RGR: variants seen among roughly 807,000 people sequenced by gnomAD.
The protein encoded by RGR is retinal G protein coupled receptor, also known as RPE-retinal G protein-coupled receptor.
RGR carries 30 observed loss-of-function variants against 28.6 expected under a neutral mutation model. That is an observed-to-expected ratio of 1.05 (90% confidence interval 0.78 to 1.42). The LOEUF (loss-of-function observed/expected upper bound fraction) is 1.42, where lower values mean the gene tolerates loss of function less well. Ranked by LOEUF, RGR falls within the 40% of genes most tolerant of loss-of-function variation. RGR has a pLI of 0.00. For missense variants in RGR, 404 were observed against 375.6 expected, an observed-to-expected ratio of 1.08 and a Z score of -0.62; for synonymous variants, 180 against 156.4, an observed-to-expected ratio of 1.15 and a Z score of -1.13.
chr10:84,251,629 C>T (rs889828768), intron 3 of RGR, among the ~76,000 whole-genome samples: 9 of 152,230 alleles, frequency 5.9e-5, no homozygotes, highest in African/African-American at 1.9e-4. Flanking sequence ...ACTGCAACCT[C>T]CGCCTTCTGG....
intron 5 of RGR, among the ~76,000 whole-genome samples, chr10:84,257,088 T>C (rs1564551962): frequency 6.6e-6 from 1 of 152,204 alleles, no homozygotes. Context: ...TCTTCCAGCT[T>C]AATCACCCTC....
chr10:84,246,595 A>T (rs1419484919), intron 1 of RGR, among the ~76,000 whole-genome samples: 1 of 152,224 alleles, frequency 6.6e-6, no homozygotes, highest in Non-Finnish European at 1.5e-5. Flanking sequence ...TCCATGATGT[A>T]TATATACTAC....
At position 84,253,946 on chromosome 10, in the gene RGR, A is replaced by G. The variant is rs529108482; in HGVS notation, c.513-380A>G. Among the ~76,000 whole-genome samples the G allele has an allele frequency of 2.6e-5, 4 of 152,302 alleles. No homozygotes were observed. The East Asian group carries it at 5.8e-4, about 22-fold the overall frequency. On this transcript the variant is annotated intron_variant, in intron 4 of 6. Coordinates refer to ENST00000652092, the MANE Select transcript of RGR (RefSeq NM_001012720.2). ...TCAACCATTTCTTCAGTGACACAGT[A>G]TCCAGTCTTCTTGTTATCCCGTCTC...
intron 4 of RGR, among the ~76,000 whole-genome samples, chr10:84,253,438 C>G (rs1005903474): frequency 6.6e-6 from 1 of 152,140 alleles, no homozygotes; most frequent in Non-Finnish European, 1.5e-5. Context: ...GAGGGAATGC[C>G]CTGAGCATAC....
At position 84,252,877 on chromosome 10, in the gene RGR, T is replaced by C. The variant is rs145786088; in HGVS notation, c.379T>C (p.Ser127Pro). Residue 127 changes from serine (S) to proline (P), a missense_variant, in exon 4 of 7, where the codon TCA becomes CCA. Physicochemically the swap from Ser to Pro is moderately conservative, Grantham distance 74 (BLOSUM62 -1). Transcript: ENST00000652092. ...TGCAGGTAGCCAGCTGGCCTGGAAC[T>C]CAGCCGTCTCTCTGGTGCTCTTCGT... Reference protein sequence around the residue: ...YCTRSQLAWNSAVSLVLFVWL... With the variant: ...YCTRSQLAWNPAVSLVLFVWL... The C allele has an allele frequency of 6.2e-7, 1 of 1,614,048 alleles. No individual in the cohort carries two copies. The highest frequency in any genetic ancestry group is 1.3e-5 in the African/African-American group (1 of 74,922).
At chr10:84,247,550 G>T in intron 1 of RGR, 41 bp from the exon 2 acceptor site, 1 of 1,613,042 alleles carries the variant, frequency 6.2e-7, no homozygotes. Context: ...CCCCAGCTGG[G>T]CCTCAGCAGC....
In RGR at chr10:84,254,319, C is replaced by G. The variant is rs1327542906; in HGVS notation, c.513-7C>G. On this transcript the variant is annotated splice_polypyrimidine_tract_variant and splice_region_variant and intron_variant, in intron 4 of 6. Transcript: ENST00000652092. ...TAACCCCAATCCTCCACCCGCTCTCCCTGTAGAAACTTCACCAGCTTCCTC... is the reference window on the plus strand; with the variant it reads ...TAACCCCAATCCTCCACCCGCTCTCGCTGTAGAAACTTCACCAGCTTCCTC... 1 of 1,613,502 alleles carries G rather than the reference C, an allele frequency of 6.2e-7. No homozygotes were observed. The highest frequency in any genetic ancestry group is 8.5e-7 in the Non-Finnish European group (1 of 1,179,486).
intron 3 of RGR, among the ~76,000 whole-genome samples, chr10:84,250,194 C>G (rs1056576403): frequency 6.6e-6 from 1 of 152,150 alleles, no homozygotes; most frequent in East Asian, 1.9e-4. Context: ...GACCTGGTAC[C>G]TCCAAGTCCT....
intron 3 of RGR, chr10:84,250,547 C>G (rs1337928926): frequency 1.5e-6 from 1 of 685,126 alleles, no homozygotes; most frequent in Non-Finnish European, 2.7e-6. Context: ...CACACACACA[C>G]ACACACACCA....
chr10:84,252,942 G>C lies in RGR; in HGVS notation c.444G>C (p.Leu148=), dbSNP rs1193172183. 1.9e-6 allele frequency: 3 copies of C among 1,614,002 alleles called. No individual in the cohort carries two copies. Among genetic ancestry groups the C allele is most frequent in the Non-Finnish European group, 8.5e-7 (1 of 1,180,046 alleles). ...CCTTCTGGGCAGCTCTGCCCCTTCT[G>C]GGTTGGGGTCACTACGACTATGAGC... ...SSAFWAALPL[L]GWGHYDYEPL... is the part of the protein sequence containing the mutation. Residue 148 remains leucine (L), a synonymous_variant, in exon 4 of 7, where the codon CTG becomes CTC. Coordinates refer to ENST00000652092, the MANE Select transcript of RGR (RefSeq NM_001012720.2).
At chr10:84,258,375 CAG>C (rs1842913761) in intron 6 of RGR, 131 bp from the exon 7 acceptor site, 1 of 1,448,704 alleles carries the variant, frequency 6.9e-7, no homozygotes, top group Admixed American at 1.8e-5. Context: ...ACCAACTAGT[CAG>C]GGAAGCCTCC....
At chr10:84,248,829 CA>C in intron 2 of RGR, 92 bp from the exon 3 acceptor site, 2 of 1,609,426 alleles carry the variant, frequency 1.2e-6, no homozygotes, top group Non-Finnish European at 1.7e-6. Context: ...AGAAGGGCAG[CA>C]TTCAGGAACA....
intron 5 of RGR, among the ~76,000 whole-genome samples, chr10:84,255,634 C>T (rs1037688147): frequency 3.3e-5 from 5 of 150,300 alleles, no homozygotes; most frequent in South Asian, 2.1e-4. Context: ...GCAAAGGAGT[C>T]GTAACAAGCA....
chr10:84,249,368 A>G (rs994888593), intron 3 of RGR, among the ~76,000 whole-genome samples: 2 of 151,178 alleles, frequency 1.3e-5, no homozygotes, highest in East Asian at 3.9e-4. Flanking sequence ...GCTGGAGTGC[A>G]GTGGTGTGAC....
rs1393468929 is a variant in RGR at position 84,259,702 on chromosome 10, T to C, written c.*1063T>C. 6.6e-6 allele frequency: 1 copy of C among 152,166 alleles called. No homozygotes were observed. The highest frequency in any genetic ancestry group is 1.5e-5 in the Non-Finnish European group (1 of 68,034). 9.4% of individuals were successfully genotyped at this position (152,166 alleles called of 1,614,324 possible). ...CGTGTATGTATTCTTTTTGAAAAAA[T>C]GTTTATTCATGTCTTTTGCCCACTT... On this transcript the variant is annotated 3_prime_UTR_variant, in exon 7 of 7. Coordinates refer to ENST00000652092, the MANE Select transcript of RGR (RefSeq NM_001012720.2).
At chr10:84,250,583 C>G in intron 3 of RGR, 3 of 663,744 alleles carry the variant, frequency 4.5e-6, no homozygotes, top group Non-Finnish European at 8.4e-6. Context: ...ACAGGCTTCT[C>G]TGCCTCAATA....
chr10:84,247,339 G>A (rs578206773), intron 1 of RGR, among the ~76,000 whole-genome samples: 277 of 152,282 alleles, frequency 1.8e-3, no homozygotes, highest in African/African-American at 6.4e-3. Flanking sequence ...GCTATAAATG[G>A]AGAAGAGAGT....
intron 3 of RGR, 29 bp downstream of exon 3, chr10:84,249,072 G>T: frequency 6.2e-7 from 1 of 1,613,204 alleles, no homozygotes; most frequent in Admixed American, 1.7e-5. Context: ...GGAGTGGAGG[G>T]ACACCGATGC....
intron 3 of RGR, chr10:84,250,246 A>G (rs903986026): frequency 7.4e-6 from 5 of 676,732 alleles, no homozygotes; most frequent in Non-Finnish European, 8.3e-6. Context: ...TGTGAGGTCT[A>G]TAGCCAGCAC....
Sources: allele counts gnomAD v4.1 joint callset (sites outside exome capture counted in the v4.1 genomes callset), GRCh38; gene constraint gnomAD v4.1.1; transcripts MANE v1.5; gene names NCBI Gene and HGNC (gene_info 2026-07-23, HGNC 2026-07-21).